Variants in FOLR1 observed in about 807,000 individuals in gnomAD.
The protein encoded by FOLR1 is folate receptor alpha, also known as KB cells FBP.
A neutral mutation model predicts 22.8 loss-of-function variants in FOLR1; 11 were observed. The observed-to-expected ratio is 0.48, with a 90% CI of 0.30 to 0.80. FOLR1 has a LOEUF of 0.80. FOLR1 is among the 30% of genes least tolerant of loss of function. The pLI, the probability that FOLR1 is intolerant of heterozygous loss-of-function variation, is 0.06. For synonymous variants in FOLR1, 108 were observed against 116.5 expected (o/e 0.93, Z 0.47); for missense variants, 273 against 320.3 (o/e 0.85, Z 1.13).
upstream of FOLR1, chr11:72,190,695 T>A (rs1032591829): frequency 6.6e-6 from 1 of 152,240 alleles, no homozygotes; most frequent in African/African-American, 2.4e-5. Context: ...AATGAATGAA[T>A]CAACCATGAG....
chr11:72,193,044 T>C (rs1257414467), intron 1 of FOLR1, among the ~76,000 whole-genome samples: 1 of 152,046 alleles, frequency 6.6e-6, no homozygotes, highest in Non-Finnish European at 1.5e-5. Context: ...AGAGGAAAAG[T>C]AATTTGTAGG....
At chr11:72,192,473 C>G (rs768996438) in intron 1 of FOLR1, 132 bp downstream of exon 1, 1 of 877,244 alleles carries the variant, frequency 1.1e-6, no homozygotes, top group Non-Finnish European at 1.8e-6. Flanking sequence ...ATATGGGTGA[C>G]TATTTCACAG....
chr11:72,195,647 C>T lies in FOLR1; in HGVS notation c.393C>T (p.Asn131=), dbSNP rs61735636. ...DQSWRKERVL[N]VPLCKEDCEQ... ...GCTGGCGCAAAGAGCGGGTACTGAA[C>T]GTGCCCCTGTGCAAAGAGGACTGTG... The change falls in exon 3 of 4, where the codon AAC becomes AAT. Residue 131 remains asparagine (N), a synonymous_variant. Coordinates refer to ENST00000393676, the MANE Select transcript of FOLR1 (RefSeq NM_016729.3). 3.7e-5 allele frequency: 59 copies of T among 1,614,092 alleles called. No homozygotes were observed. The highest frequency in any genetic ancestry group is 2.2e-4 in the Admixed American group (13 of 59,998).
chr11:72,189,871 A>G (rs1184530559), upstream of FOLR1: 1 of 152,302 alleles, frequency 6.6e-6, no homozygotes, highest in Non-Finnish European at 1.5e-5. Flanking sequence ...AAGGCCAGAG[A>G]ATCTTGAAGT....
In FOLR1 at chr11:72,196,251, C is replaced by T. The variant is rs1405836052; in HGVS notation, c.*74C>T. 1 of 1,555,328 alleles carries T rather than the reference C, an allele frequency of 6.4e-7. No homozygotes were observed. The highest frequency in any genetic ancestry group is 8.8e-7 in the Non-Finnish European group (1 of 1,130,844). On this transcript the variant is annotated 3_prime_UTR_variant, in exon 4 of 4. Coordinates refer to ENST00000393676, the MANE Select transcript of FOLR1 (RefSeq NM_016729.3). ...ACAGCTCCCAACTATTTGGTTCCTG[C>T]TCCATGGTCGGGCCTCTGACAGCCA...
upstream of FOLR1, chr11:72,190,584 C>A (rs1366774736): frequency 6.6e-6 from 1 of 152,142 alleles, no homozygotes; most frequent in Non-Finnish European, 1.5e-5. Flanking sequence ...AGGAACTGAA[C>A]CCAAAGGATC....
chr11:72,195,129 G>A, intron 1 of FOLR1, 142 bp from the exon 2 acceptor site: 3 of 835,524 alleles, frequency 3.6e-6, no homozygotes, highest in Non-Finnish European at 6.1e-6. Context: ...CCCTAAAGAG[G>A]TCCCAATAGC....
At chr11:72,194,810 C>T (rs1411871759) in intron 1 of FOLR1, among the ~76,000 whole-genome samples, 1 of 152,230 alleles carries the variant, frequency 6.6e-6, no homozygotes, top group African/African-American at 2.4e-5. Context: ...GCTGGGATTA[C>T]ACAAGTAAGC....
rs763959673 is a variant in FOLR1, at chr11:72,195,876, G to A, written c.494-21G>A. 5 of 1,614,058 alleles carry A rather than the reference G, an allele frequency of 3.1e-6. No individual in the cohort carries two copies. In the African/African-American group the frequency reaches 5.3e-5, roughly 17 times the overall value. ...GATAGTTCCGGGCCCAGTGGCTAAA[G>A]GTCTTCCCTCCTCTCTACAGGGTTT... On this transcript the variant is annotated intron_variant, in intron 3 of 3. Transcript: ENST00000393676.
At position 72,196,216 on chromosome 11, in the gene FOLR1, G is replaced by C; in HGVS notation, c.*39G>C. On this transcript the variant is annotated 3_prime_UTR_variant, in exon 4 of 4. Coordinates refer to ENST00000393676, the MANE Select transcript of FOLR1 (RefSeq NM_016729.3). Reference sequence around the variant, plus strand: ...TCTGATACCTGGAAATCCCTGCCCTGTTCAGCCCCACAGCTCCCAACTATT... The same window carrying C: ...TCTGATACCTGGAAATCCCTGCCCTCTTCAGCCCCACAGCTCCCAACTATT... 6.2e-7 allele frequency: 1 copy of C among 1,612,374 alleles called. No individual in the cohort carries two copies. Among genetic ancestry groups the C allele is most frequent in the African/African-American group, 1.3e-5 (1 of 74,980 alleles).
At chr11:72,190,822 G>T (rs565499876), upstream of FOLR1, among the ~76,000 whole-genome samples, 1 of 152,222 alleles carries the variant, frequency 6.6e-6, no homozygotes, top group Non-Finnish European at 1.5e-5. Context: ...TGTGCAGTCG[G>T]CCTGGAGACA....
rs1005890697 is a variant in FOLR1 at position 72,195,354 on chromosome 11, C to A, written c.252C>A (p.Phe84Leu). The change falls in exon 2 of 4, where the codon TTC becomes TTA. Residue 84 changes from phenylalanine (F) to leucine (L), a missense_variant. By Grantham distance (22) the Phe-to-Leu change is conservative (BLOSUM62 0). Coordinates refer to ENST00000393676, the MANE Select transcript of FOLR1 (RefSeq NM_016729.3). The stretch of plus-strand genomic sequence containing the variant: ...AGGATGTTTCCTACCTATATAGATT[C>A]AACTGGAACCACTGTGGAGAGATGG... ...AHKDVSYLYRFNWNHCGEMAP... is the reference protein window; with the variant it reads ...AHKDVSYLYRLNWNHCGEMAP... 1.2e-6 allele frequency: 2 copies of A among 1,614,102 alleles called. No homozygotes were observed. Among genetic ancestry groups the A allele is most frequent in the African/African-American group, 1.3e-5 (1 of 74,952 alleles).
At chr11:72,194,258 A>G (rs1284362095) in intron 1 of FOLR1, among the ~76,000 whole-genome samples, 1 of 152,234 alleles carries the variant, frequency 6.6e-6, no homozygotes, top group Non-Finnish European at 1.5e-5. Context: ...TAATAAAATA[A>G]CATCCACAAT....
At chr11:72,195,512 A>G in intron 2 of FOLR1, 53 bp downstream of exon 2, 1 of 1,612,750 alleles carries the variant, frequency 6.2e-7, no homozygotes, top group African/African-American at 1.3e-5. Flanking sequence ...TGAGCTTTCC[A>G]GGCATCTCTG....
In FOLR1 at chr11:72,192,191, A is replaced by G. The variant is rs1279081270; in HGVS notation, c.18A>G (p.Thr6=). The change falls in exon 1 of 4, where the codon ACA becomes ACG. Residue 6 remains threonine (T), a synonymous_variant. Transcript: ENST00000393676. ...GGACAGACATGGCTCAGCGGATGAC[A>G]ACACAGCTGCTGCTCCTTCTAGTGT... MAQRM[T]TQLLLLLVWV... 2 of 1,614,016 alleles carry G rather than the reference A, an allele frequency of 1.2e-6. No individual in the cohort carries two copies. The highest frequency in any genetic ancestry group is 1.7e-6 in the Non-Finnish European group (2 of 1,180,024).
chr11:72,196,042 G>C lies in FOLR1; in HGVS notation c.639G>C (p.Trp213Cys), dbSNP rs757554598. The C allele has an allele frequency of 6.2e-7, 1 of 1,614,222 alleles. No homozygotes were observed. The highest frequency in any genetic ancestry group is 1.1e-5 in the South Asian group (1 of 91,088). ...SRGSGRCIQM[W>C]FDPAQGNPNE... ...GGAGTGGCCGCTGCATCCAGATGTG[G>C]TTCGACCCAGCCCAGGGCAACCCCA... Residue 213 changes from tryptophan (W) to cysteine (C), a missense_variant, in exon 4 of 4, where the codon TGG becomes TGC. Trp to Cys is a radical substitution (Grantham distance 215). Transcript: ENST00000393676.
Position 72,196,159 on chromosome 11 carries a change from G to A in FOLR1, c.756G>A (p.Leu252=). 6.2e-6 allele frequency: 10 copies of A among 1,614,158 alleles called. No homozygotes were observed. The highest frequency in any genetic ancestry group is 8.5e-6 in the Non-Finnish European group (10 of 1,180,036). Residue 252 remains leucine, a synonymous_variant, in exon 4 of 4, where the codon CTG becomes CTA. Coordinates refer to ENST00000393676, the MANE Select transcript of FOLR1 (RefSeq NM_016729.3). ...TCCTGCTTAGCCTGGCCCTAATGCT[G>A]CTGTGGCTGCTCAGCTGACCTCCTT... ...WPFLLSLALM[L]LWLLS
Position 72,195,553 on chromosome 11 carries a change from G to A in FOLR1, c.358-59G>A, listed in dbSNP as rs1948217848. The A allele has an allele frequency of 6.2e-6, 10 of 1,613,606 alleles. No individual in the cohort carries two copies. The highest frequency in any genetic ancestry group is 1.1e-5 in the South Asian group (1 of 91,064). On this transcript the variant is annotated intron_variant, in intron 2 of 3. Coordinates refer to ENST00000393676, the MANE Select transcript of FOLR1 (RefSeq NM_016729.3). ...TGCAACCCCAGCTCCAGTTCTATTC[G>A]GGGCTGAGTTGCTGGGATTCTTGAA...
chr11:72,192,731 G>C (rs1326172626), intron 1 of FOLR1, among the ~76,000 whole-genome samples: 1 of 152,118 alleles, frequency 6.6e-6, no homozygotes, highest in African/African-American at 2.4e-5. Context: ...AGAAGGGAGA[G>C]TCTCTCACAT....
Sources: gnomAD v4.1 joint callset for allele counts (sites outside exome capture counted in the v4.1 genomes callset) on GRCh38, gnomAD v4.1.1 for gene constraint, MANE v1.5 for transcripts, NCBI Gene and HGNC (gene_info 2026-07-23, HGNC 2026-07-21) for gene names.